The following FOXN3 variants were observed in gnomAD, a reference collection of about 807,000 sequenced individuals.
FOXN3 encodes forkhead box protein N3.
A neutral mutation model predicts 38.4 loss-of-function variants in FOXN3; 7 were observed. That is an observed-to-expected ratio of 0.18 (90% CI 0.10 to 0.34). The LOEUF (loss-of-function observed/expected upper bound fraction) is 0.34, where lower values mean the gene tolerates loss of function less well. FOXN3 is among the 10% of genes least tolerant of loss of function. The pLI, the probability that FOXN3 is intolerant of heterozygous loss-of-function variation, is 1.00. For synonymous variants in FOXN3, 230 were observed against 242.2 expected, an observed-to-expected ratio of 0.95 and a Z score of 0.47; for missense variants, 456 against 613.4, an observed-to-expected ratio of 0.74 and a Z score of 2.71.
rs371859826 is a variant in FOXN3, at chr14:89,272,725, C to T, written c.745+8225G>A. On this transcript the variant is annotated intron_variant, in intron 4 of 5. Coordinates refer to ENST00000557258, the MANE Select transcript of FOXN3 (RefSeq NM_005197.4). ...AAAATTAGCCGCGCATGGTGGCGCACGCCTGTAGTCCCAGCTACTCGGGAG... is the reference window on the plus strand; with the variant it reads ...AAAATTAGCCGCGCATGGTGGCGCATGCCTGTAGTCCCAGCTACTCGGGAG... 8.3e-4 allele frequency among the ~76,000 whole-genome samples: 127 copies of T among 152,204 alleles called. 1 individual carries two copies. The South Asian group carries it at 0.011, about 13-fold the overall frequency.
intron 1 of FOXN3, among the ~76,000 whole-genome samples, chr14:89,579,461 AT>A (rs1456418698): frequency 6.6e-6 from 1 of 152,176 alleles, no homozygotes; most frequent in African/African-American, 2.4e-5. Flanking sequence ...CAGCCAAAAT[AT>A]TCTTTTAAGA....
At chr14:89,360,767 T>TACCACCTCCACCACCACCTCCAGC (rs1889496415) in intron 2 of FOXN3, among the ~76,000 whole-genome samples, 3 of 17,810 alleles carry the variant, frequency 1.7e-4, no homozygotes, top group African/African-American at 6.6e-4. Context: ...CCTCCACCAC[T>TACCACCTCCACCACCACCTCCAGC]ACCACCTCCA....
At chr14:89,419,252 G>C (rs1274733171), upstream of FOXN3, 5 of 453,886 alleles carry the variant, frequency 1.1e-5, no homozygotes, top group East Asian at 3.5e-4. Flanking sequence ...ATGTCTGCCT[G>C]TCGGTCTATC....
chr14:89,415,698 C>A (rs1891680256), intron 1 of FOXN3, among the ~76,000 whole-genome samples: 1 of 142,784 alleles, frequency 7.0e-6, no homozygotes, highest in African/African-American at 2.5e-5. Flanking sequence ...TTCGCCAAAT[C>A]TTTTTTTCCT....
Position 89,594,089 on chromosome 14 carries a change from G to A in FOXN3, c.-15+24939C>T, listed in dbSNP as rs183594770. ...AAAGTATTTGTGTGTGTGCACACAA[G>A]TATGCACATTATATTATACTCTTGA... On this transcript the variant is annotated intron_variant, in intron 1 of 6. Transcript: ENST00000345097. Among the ~76,000 whole-genome samples, 33 of 152,324 alleles carry A rather than the reference G, an allele frequency of 2.2e-4. 1 individual carries two copies. The South Asian group carries it at 5.4e-3, about 25-fold the overall frequency.
Position 89,405,053 on chromosome 14 carries a change from T to G in FOXN3, c.543+6881A>C, listed in dbSNP as rs149524956. ...AGGGGAAATGCTCTTGATTCTGCAT[T>G]CACAACACCAAGAAGAGAAAACTAG... On this transcript the variant is annotated intron_variant, in intron 2 of 5. Coordinates refer to ENST00000557258, the MANE Select transcript of FOXN3 (RefSeq NM_005197.4). 1.8e-3 allele frequency among the ~76,000 whole-genome samples: 275 copies of G among 152,296 alleles called. 1 individual carries two copies. The highest frequency in any genetic ancestry group is 6.3e-3 in the African/African-American group (263 of 41,566).
At chr14:89,525,105 G>C (rs775103401) in intron 1 of FOXN3, among the ~76,000 whole-genome samples, 53 of 152,136 alleles carry the variant, frequency 3.5e-4, no homozygotes, top group Non-Finnish European at 1.0e-4. Flanking sequence ...GTTCAAACCA[G>C]AGCAAGTCCA....
At chr14:89,353,790 T>G (rs1466845083) in intron 2 of FOXN3, 2 of 152,182 alleles carry the variant, frequency 1.3e-5, no homozygotes, top group African/African-American at 2.4e-5. Context: ...AGTGCAGTGA[T>G]GTGATATCGG....
At chr14:89,322,073 C>T (rs1335260874) in intron 3 of FOXN3, among the ~76,000 whole-genome samples, 2 of 152,214 alleles carry the variant, frequency 1.3e-5, no homozygotes, top group African/African-American at 4.8e-5. Flanking sequence ...CCGTGGGTGC[C>T]AGGGCCACAG....
At position 89,282,279 on chromosome 14, in the gene FOXN3, GT is replaced by G. The variant is rs1438519581; in HGVS notation, c.681-1266del. On this transcript the variant is annotated intron_variant, in intron 3 of 5. Coordinates refer to ENST00000557258, the MANE Select transcript of FOXN3 (RefSeq NM_005197.4). ...AAACCTTGATGTTAATGAACCTTTT[GT>G]TTTATTTTGTTTTGGATCCACTATA... 8.5e-4 allele frequency among the ~76,000 whole-genome samples: 129 copies of G among 151,004 alleles called. 8 individuals carry two copies. The highest frequency in any genetic ancestry group is 3.0e-5 in the Non-Finnish European group (2 of 67,658).
At chr14:89,600,891 C>T (rs1201695515) in intron 1 of FOXN3, among the ~76,000 whole-genome samples, 2 of 152,204 alleles carry the variant, frequency 1.3e-5, no homozygotes, top group African/African-American at 4.8e-5. Flanking sequence ...GAGCACTGCA[C>T]CATATTCCCT....
At chr14:89,510,868 G>A (rs1001466283) in intron 1 of FOXN3, among the ~76,000 whole-genome samples, 7 of 152,092 alleles carry the variant, frequency 4.6e-5, no homozygotes, top group East Asian at 1.9e-4. Flanking sequence ...ACTTGAACCC[G>A]GGAGGCGGAA....
chr14:89,607,441 C>T (rs78536039), intron 1 of FOXN3, among the ~76,000 whole-genome samples: 1 of 151,972 alleles, frequency 6.6e-6, no homozygotes, highest in African/African-American at 2.4e-5. Flanking sequence ...TGCCTGTAAT[C>T]CCAGCTACTC....
At chr14:89,500,167 A>G (rs1161438733) in intron 1 of FOXN3, among the ~76,000 whole-genome samples, 5 of 151,888 alleles carry the variant, frequency 3.3e-5, no homozygotes, top group Non-Finnish European at 7.4e-5. Context: ...TGGGTTTTTT[A>G]CACCATGAAT....
intron 1 of FOXN3, among the ~76,000 whole-genome samples, chr14:89,583,564 T>C (rs1366411868): frequency 6.6e-6 from 1 of 152,164 alleles, no homozygotes; most frequent in Non-Finnish European, 1.5e-5. Context: ...CTTCCTGTTT[T>C]TATTTTTGTT....
chr14:89,166,879 C>T (rs1475672409), intron 5 of FOXN3, among the ~76,000 whole-genome samples: 4 of 152,172 alleles, frequency 2.6e-5, no homozygotes, highest in African/African-American at 7.2e-5. Flanking sequence ...AAATGTTTCC[C>T]GCCGCAGGGA....
intron 1 of FOXN3, among the ~76,000 whole-genome samples, chr14:89,481,885 T>C (rs1893338937): frequency 6.6e-6 from 1 of 152,086 alleles, no homozygotes; most frequent in African/African-American, 2.4e-5. Flanking sequence ...ACCAGGATAT[T>C]TCTGGGTGTG....
intron 1 of FOXN3, among the ~76,000 whole-genome samples, chr14:89,560,202 T>C (rs560366775): frequency 2.6e-4 from 39 of 152,226 alleles, no homozygotes; most frequent in Admixed American, 1.0e-3. Flanking sequence ...CTCACTATCA[T>C]GAGAACTGCA....
intron 1 of FOXN3, among the ~76,000 whole-genome samples, chr14:89,549,159 T>G (rs1894948646): frequency 6.6e-6 from 1 of 151,808 alleles, no homozygotes; most frequent in Admixed American, 6.6e-5. Context: ...ATGTATTATA[T>G]TTTTAAATGC....
Sources: gnomAD v4.1 joint callset for allele counts (sites outside exome capture counted in the v4.1 genomes callset) on GRCh38, gnomAD v4.1.1 for gene constraint, MANE v1.5 for transcripts, NCBI Gene and HGNC (gene_info 2026-07-23, HGNC 2026-07-21) for gene names.